The following PPP2R2B variants were observed in gnomAD, a reference collection of about 807,000 sequenced individuals.
PPP2R2B encodes the protein protein phosphatase 2 regulatory subunit Bbeta.
PPP2R2B carries 5 observed loss-of-function variants against 46.0 expected under a neutral mutation model. The ratio of observed to expected loss-of-function variants is 0.11; its 90% CI spans 0.06 to 0.23. PPP2R2B has a LOEUF of 0.23. PPP2R2B is among the 10% of genes least tolerant of loss of function. The pLI is 1.00. For missense variants in PPP2R2B, 367 were observed against 575.0 expected (o/e 0.64, Z 3.70); for synonymous variants, 215 against 206.7 (o/e 1.04, Z -0.34).
intron 1 of PPP2R2B, among the ~76,000 whole-genome samples, chr5:146,947,340 G>A (rs982766982): frequency 6.6e-6 from 1 of 152,112 alleles, no homozygotes; most frequent in Non-Finnish European, 1.5e-5. Flanking sequence ...TGAATATGTG[G>A]TTTAGACATC....
chr5:146,690,557 G>A (rs1279620872), intron 5 of PPP2R2B, among the ~76,000 whole-genome samples: 1 of 152,166 alleles, frequency 6.6e-6, no homozygotes, highest in Non-Finnish European at 1.5e-5. Context: ...ATCATATATT[G>A]AGGACCAGCC....
chr5:146,836,702 C>T (rs955498832), intron 2 of PPP2R2B, among the ~76,000 whole-genome samples: 2 of 152,186 alleles, frequency 1.3e-5, no homozygotes, highest in Non-Finnish European at 2.9e-5. Context: ...TTTGTAGAAA[C>T]AAGTCATTGC....
At chr5:146,941,430 T>C (rs1253463289) in intron 1 of PPP2R2B, among the ~76,000 whole-genome samples, 1 of 152,102 alleles carries the variant, frequency 6.6e-6, no homozygotes, top group African/African-American at 2.4e-5. Flanking sequence ...ATAAGACAGA[T>C]CTCTGGATAA....
upstream of PPP2R2B, among the ~76,000 whole-genome samples, chr5:146,883,001 C>T (rs1413560498): frequency 2.0e-5 from 3 of 152,184 alleles, no homozygotes; most frequent in African/African-American, 4.8e-5. Flanking sequence ...CTTCCTTAGG[C>T]TAATGCTTCC....
intron 2 of PPP2R2B, among the ~76,000 whole-genome samples, chr5:146,797,892 T>C (rs1472105897): frequency 6.6e-6 from 1 of 152,116 alleles, no homozygotes; most frequent in Non-Finnish European, 1.5e-5. Flanking sequence ...AGTTCAGAGG[T>C]TGGCAGGGAG....
intron 1 of PPP2R2B, among the ~76,000 whole-genome samples, chr5:146,964,815 G>A (rs549809572): frequency 6.6e-6 from 1 of 152,156 alleles, no homozygotes; most frequent in Non-Finnish European, 1.5e-5. Flanking sequence ...GTGAGCCACC[G>A]CACCTGACCG....
intron 1 of PPP2R2B, among the ~76,000 whole-genome samples, chr5:146,973,768 G>C (rs1437254693): frequency 6.6e-6 from 1 of 152,172 alleles, no homozygotes; most frequent in African/African-American, 2.4e-5. Flanking sequence ...TCTTTGACAA[G>C]GTTCTGTGTC....
chr5:146,937,295 C>T lies in PPP2R2B; in HGVS notation c.79+118370G>A, dbSNP rs182868186. Among the ~76,000 whole-genome samples, 349 of 149,996 alleles carry T rather than the reference C, an allele frequency of 2.3e-3. 1 individual carries two copies. The highest frequency in any genetic ancestry group is 6.9e-3 in the African/African-American group (280 of 40,736). On this transcript the variant is annotated intron_variant, in intron 1 of 8. Coordinates refer to the PPP2R2B transcript ENST00000336640. The stretch of plus-strand genomic sequence containing the variant: ...CAGCCTGGGTGACAGAGTGAGACTC[C>T]GTCTCAGAAAAAAAAAAAAAGGGGG...
At chr5:146,591,673 CAAA>C (rs375880724) in intron 9 of PPP2R2B, among the ~76,000 whole-genome samples, 2 of 72,576 alleles carry the variant, frequency 2.8e-5, no homozygotes, top group African/African-American at 4.3e-5. Flanking sequence ...GATTATTTTC[CAAA>C]AAAAAAAAAA....
intron 2 of PPP2R2B, among the ~76,000 whole-genome samples, chr5:147,077,303 CA>C (rs1561616390): frequency 6.9e-4 from 101 of 146,286 alleles, no homozygotes; most frequent in African/African-American, 2.2e-3. Flanking sequence ...CACACACACA[CA>C]CACACACCCA....
At chr5:147,036,430 G>A (rs1296501907) in intron 1 of PPP2R2B, among the ~76,000 whole-genome samples, 1 of 152,136 alleles carries the variant, frequency 6.6e-6, no homozygotes, top group Non-Finnish European at 1.5e-5. Context: ...GGGCACTTAG[G>A]TTGACTCCAT....
At chr5:146,633,875 A>G (rs921003068) in intron 7 of PPP2R2B, among the ~76,000 whole-genome samples, 2 of 152,216 alleles carry the variant, frequency 1.3e-5, no homozygotes, top group African/African-American at 4.8e-5. Context: ...GTCTCAGCTC[A>G]GCAGTCACTG....
chr5:146,979,907 T>C (rs1457092682), intron 1 of PPP2R2B, among the ~76,000 whole-genome samples: 1 of 152,064 alleles, frequency 6.6e-6, no homozygotes, highest in Non-Finnish European at 1.5e-5. Flanking sequence ...TAACTGAAAC[T>C]CCAGAGAGCA....
rs79130125 is a variant in PPP2R2B, at chr5:146,742,097, G to A, written c.71-40955C>T. 1.4e-3 allele frequency among the ~76,000 whole-genome samples: 211 copies of A among 152,282 alleles called. 5 individuals are homozygous for A. In the East Asian group the frequency reaches 0.032, roughly 23 times the overall value. On this transcript the variant is annotated intron_variant, in intron 2 of 9. Transcript: ENST00000394411. ...ACGTTCTTACAAAGGAAAATGTTATGTATGTGTCAGAAAAAAATGTTTTGA... is the reference window on the plus strand; with the variant it reads ...ACGTTCTTACAAAGGAAAATGTTATATATGTGTCAGAAAAAAATGTTTTGA...
intron 1 of PPP2R2B, among the ~76,000 whole-genome samples, chr5:147,044,209 T>A (rs946588548): frequency 6.6e-6 from 1 of 152,066 alleles, no homozygotes; most frequent in Non-Finnish European, 1.5e-5. Flanking sequence ...GGAAAGGGCC[T>A]CAGGTTTCTT....
intron 1 of PPP2R2B, among the ~76,000 whole-genome samples, chr5:146,975,970 A>C (rs1234573805): frequency 6.6e-6 from 1 of 151,806 alleles, no homozygotes; most frequent in African/African-American, 2.4e-5. Flanking sequence ...GGAAGTTTTT[A>C]ATTTTGAAGT....
intron 1 of PPP2R2B, among the ~76,000 whole-genome samples, chr5:147,020,130 C>A (rs1755192766): frequency 6.6e-6 from 1 of 152,060 alleles, no homozygotes; most frequent in Admixed American, 6.6e-5. Flanking sequence ...CTATAGCTTT[C>A]CCCACTCAGA....
intron 4 of PPP2R2B, among the ~76,000 whole-genome samples, chr5:146,693,894 C>T (rs1240806388): frequency 5.3e-5 from 8 of 152,220 alleles, no homozygotes; most frequent in Admixed American, 5.2e-4. Context: ...TCAGCACATC[C>T]TATTTCTTAT....
At chr5:147,017,418 A>G (rs1200349076) in intron 1 of PPP2R2B, among the ~76,000 whole-genome samples, 1 of 151,488 alleles carries the variant, frequency 6.6e-6, no homozygotes, top group Admixed American at 6.6e-5. Context: ...GGAGGGAGAG[A>G]TTCGAGCTGG....
Sources: gnomAD v4.1 joint callset for allele counts (sites outside exome capture counted in the v4.1 genomes callset) on GRCh38, gnomAD v4.1.1 for gene constraint, MANE v1.5 for transcripts, NCBI Gene and HGNC (gene_info 2026-07-23, HGNC 2026-07-21) for gene names.